The following DAB1 variants were observed in gnomAD, a reference collection of about 807,000 sequenced individuals.
DAB1 encodes the protein disabled homolog 1.
DAB1 carries 15 observed loss-of-function variants against 64.6 expected under a neutral mutation model. The observed-to-expected ratio is 0.23, with a 90% confidence interval of 0.16 to 0.36. The LOEUF is 0.36. DAB1 is among the 10% of genes least tolerant of loss of function. The pLI, the probability that DAB1 is intolerant of heterozygous loss-of-function variation, is 1.00. For synonymous variants in DAB1, 235 were observed against 251.9 expected (o/e 0.93, Z 0.64); for missense variants, 596 against 706.7 (o/e 0.84, Z 1.78).
At chr1:57,090,618 A>G (rs1043690360) in intron 4 of DAB1, among the ~76,000 whole-genome samples, 1 of 152,180 alleles carries the variant, frequency 6.6e-6, no homozygotes, top group Non-Finnish European at 1.5e-5. Context: ...TTGCAGGCCC[A>G]AGTTCAAACC....
chr1:57,158,407 C>T (rs1246682845), intron 2 of DAB1, among the ~76,000 whole-genome samples: 1 of 152,168 alleles, frequency 6.6e-6, no homozygotes. Context: ...ATTATTAACA[C>T]AGAGAGATTC....
chr1:58,144,775 C>T (rs563281444), intron 5 of DAB1, among the ~76,000 whole-genome samples: 21 of 152,202 alleles, frequency 1.4e-4, no homozygotes, highest in Non-Finnish European at 2.9e-4. Flanking sequence ...AATGAGAACA[C>T]AAATGTCCTG....
At chr1:58,125,138 T>A (rs1169527683) in intron 5 of DAB1, among the ~76,000 whole-genome samples, 1 of 152,194 alleles carries the variant, frequency 6.6e-6, no homozygotes, top group African/African-American at 2.4e-5. Flanking sequence ...GAATATTAAC[T>A]CACTGAAGAA....
intron 5 of DAB1, among the ~76,000 whole-genome samples, chr1:58,009,939 T>G (rs1344443642): frequency 6.6e-6 from 1 of 152,198 alleles, no homozygotes; most frequent in African/African-American, 2.4e-5. Flanking sequence ...TTATCAATTA[T>G]TTTAACTTAC....
intron 6 of DAB1, among the ~76,000 whole-genome samples, chr1:57,751,599 G>A (rs1013607029): frequency 6.6e-6 from 1 of 152,020 alleles, no homozygotes; most frequent in Non-Finnish European, 1.5e-5. Flanking sequence ...AGAAGATTAG[G>A]GTGAGGATGG....
chr1:57,372,939 G>A (rs766597440), intron 1 of DAB1, among the ~76,000 whole-genome samples: 10 of 152,038 alleles, frequency 6.6e-5, no homozygotes, highest in Non-Finnish European at 1.2e-4. Context: ...CACTTTGGGA[G>A]GCCGAGGTGA....
At chr1:57,954,765 T>C (rs1427918298) in intron 5 of DAB1, among the ~76,000 whole-genome samples, 1 of 152,236 alleles carries the variant, frequency 6.6e-6, no homozygotes, top group Non-Finnish European at 1.5e-5. Flanking sequence ...GAGAAGAGTT[T>C]AGCTCTGTAT....
chr1:57,314,216 T>A (rs1011596567), intron 1 of DAB1, among the ~76,000 whole-genome samples: 17 of 152,332 alleles, frequency 1.1e-4, no homozygotes, highest in African/African-American at 3.4e-4. Context: ...TAGATACACA[T>A]ACTTAATACT....
intron 4 of DAB1, among the ~76,000 whole-genome samples, chr1:58,342,386 A>G (rs149765778): frequency 6.6e-6 from 1 of 152,338 alleles, no homozygotes; most frequent in Non-Finnish European, 1.5e-5. Flanking sequence ...GTGTGGATTT[A>G]CCATCAATAG....
At chr1:57,357,788 C>T (rs976347510) in intron 1 of DAB1, among the ~76,000 whole-genome samples, 2 of 151,798 alleles carry the variant, frequency 1.3e-5, no homozygotes, top group Non-Finnish European at 2.9e-5. Flanking sequence ...AGGGGGAAAT[C>T]CCCTTATAAA....
intron 2 of DAB1, among the ~76,000 whole-genome samples, chr1:57,258,381 A>C (rs142718400): frequency 2.0e-5 from 3 of 152,122 alleles, no homozygotes; most frequent in Admixed American, 6.5e-5. Flanking sequence ...ATCAATCATC[A>C]TCCTCCCTGG....
intron 4 of DAB1, among the ~76,000 whole-genome samples, chr1:58,335,485 G>A (rs1344683580): frequency 6.6e-6 from 1 of 152,050 alleles, no homozygotes; most frequent in African/African-American, 2.4e-5. Context: ...GGCAAGTGGG[G>A]GTCACTGCAT....
Position 57,793,658 on chromosome 1 carries a change from C to T in DAB1, n.551+90341G>A, listed in dbSNP as rs182074243. Among the ~76,000 whole-genome samples the T allele has an allele frequency of 2.5e-3, 386 of 152,274 alleles. 2 individuals carry two copies. The highest frequency in any genetic ancestry group is 9.0e-3 in the African/African-American group (376 of 41,550). On this transcript the variant is annotated intron_variant and non_coding_transcript_variant, in intron 6 of 20. Transcript: ENST00000485760. ...AGTGAGACAGACCAGATTTTAAGTTCTGGTTTGTCTACTAACTCCCAGTGT... is the reference window on the plus strand; with the variant it reads ...AGTGAGACAGACCAGATTTTAAGTTTTGGTTTGTCTACTAACTCCCAGTGT...
At chr1:58,523,237 T>C (rs980081251) in intron 2 of DAB1, among the ~76,000 whole-genome samples, 7 of 152,202 alleles carry the variant, frequency 4.6e-5, no homozygotes, top group Non-Finnish European at 7.3e-5. Context: ...TTTTGCCATA[T>C]CCATAATCTT....
chr1:57,412,574 AT>A, intron 1 of DAB1, among the ~76,000 whole-genome samples: 1 of 152,350 alleles, frequency 6.6e-6, no homozygotes, highest in Middle Eastern at 3.4e-3. Flanking sequence ...AGGAAGAGAA[AT>A]ATCCTGATAG....
intron 2 of DAB1, among the ~76,000 whole-genome samples, chr1:57,246,215 A>G (rs1668861456): frequency 6.6e-6 from 1 of 152,208 alleles, no homozygotes; most frequent in Admixed American, 6.5e-5. Context: ...TCACAGGCCT[A>G]GAGGCCTGAG....
chr1:58,507,609 C>T (rs534055860), intron 2 of DAB1, among the ~76,000 whole-genome samples: 62 of 151,612 alleles, frequency 4.1e-4, no homozygotes, highest in African/African-American at 1.4e-3. Flanking sequence ...CAGGAATATA[C>T]AAGATAAATG....
At chr1:58,412,103 C>A (rs1644677660) in intron 3 of DAB1, among the ~76,000 whole-genome samples, 1 of 152,184 alleles carries the variant, frequency 6.6e-6, no homozygotes, top group Admixed American at 6.5e-5. Flanking sequence ...CACCCAGAGT[C>A]CTCCCTTATC....
chr1:58,346,527 T>C (rs1226958088), intron 3 of DAB1, among the ~76,000 whole-genome samples: 1 of 151,960 alleles, frequency 6.6e-6, no homozygotes, highest in Non-Finnish European at 1.5e-5. Context: ...AAAAATGGAG[T>C]TTCTCTGGAT....
Sources: allele counts gnomAD v4.1 joint callset (sites outside exome capture counted in the v4.1 genomes callset), GRCh38; gene constraint gnomAD v4.1.1; transcripts MANE v1.5; gene names NCBI Gene and HGNC (gene_info 2026-07-23, HGNC 2026-07-21).